MOB4: variants seen among roughly 807,000 people sequenced by gnomAD.
The protein encoded by MOB4 is MOB family member 4, phocein.
A neutral mutation model predicts 32.2 loss-of-function variants in MOB4; 4 were observed. The ratio of observed to expected loss-of-function variants is 0.12; its 90% CI spans 0.06 to 0.28. The LOEUF is 0.28. Among genes scored for constraint, MOB4 ranks in the 10% least tolerant of loss-of-function variants. MOB4 has a pLI of 1.00. For missense variants in MOB4, 158 were observed against 271.2 expected, an observed-to-expected ratio of 0.58 and a Z score of 2.93; for synonymous variants, 88 against 88.1, an observed-to-expected ratio of 1.00 and a Z score of 0.01.
intron 2 of MOB4, among the ~76,000 whole-genome samples, chr2:197,529,775 T>C (rs552879898): frequency 3.1e-4 from 47 of 152,106 alleles, no homozygotes; most frequent in African/African-American, 1.1e-3. Context: ...TGCCTCAGCC[T>C]CCCGAGTAGC....
At chr2:197,522,519 C>T (rs375817521) in intron 1 of MOB4, among the ~76,000 whole-genome samples, 208 of 151,016 alleles carry the variant, frequency 1.4e-3, no homozygotes, top group African/African-American at 4.8e-3. Flanking sequence ...TTAGTAGAGA[C>T]GGGGTTTCAT....
rs907674537 is a variant in MOB4, at chr2:197,530,319, G to A, written c.124-5211G>A. 3.9e-5 allele frequency among the ~76,000 whole-genome samples: 6 copies of A among 152,110 alleles called. No individual in the cohort carries two copies. The East Asian group carries it at 1.2e-3, about 29-fold the overall frequency. ...GGTCTCACTCTGTTGCCAGGCTGGAGTGCAGTGGTACAATCATAGCTTACT... is the reference window on the plus strand; with the variant it reads ...GGTCTCACTCTGTTGCCAGGCTGGAATGCAGTGGTACAATCATAGCTTACT... On this transcript the variant is annotated intron_variant, in intron 2 of 7. Coordinates refer to ENST00000323303, the MANE Select transcript of MOB4 (RefSeq NM_015387.5).
intron 1 of MOB4, among the ~76,000 whole-genome samples, chr2:197,521,925 C>T (rs573206753): frequency 6.6e-6 from 1 of 152,124 alleles, no homozygotes; most frequent in Non-Finnish European, 1.5e-5. Flanking sequence ...CATACCTCCT[C>T]CTCAGCTGAC....
At position 197,516,076 on chromosome 2, in the gene MOB4, A is replaced by G. The variant is rs1160390571; in HGVS notation, c.-11A>G. 2.7e-5 allele frequency: 43 copies of G among 1,587,390 alleles called. No homozygotes were observed. Among genetic ancestry groups the G allele is most frequent in the Non-Finnish European group, 3.6e-5 (42 of 1,168,146 alleles). On this transcript the variant is annotated 5_prime_UTR_variant, in exon 1 of 8. Coordinates refer to ENST00000323303, the MANE Select transcript of MOB4 (RefSeq NM_015387.5). ...CCGGGTACCGACTCCAGCCGCCTAG[A>G]CGCTGGCACTATGGTCATGGCGGAG...
Position 197,550,742 on chromosome 2 carries a change from T to G in MOB4, c.*96T>G, listed in dbSNP as rs1251339151. ...TCAATCATGTATCCATATTATAGCTTCTTTGTTTAGTATAGGTTTTTGTAT... is the reference window on the plus strand; with the variant it reads ...TCAATCATGTATCCATATTATAGCTGCTTTGTTTAGTATAGGTTTTTGTAT... On this transcript the variant is annotated 3_prime_UTR_variant, in exon 8 of 8. Coordinates refer to ENST00000323303, the MANE Select transcript of MOB4 (RefSeq NM_015387.5). 5.7e-6 allele frequency: 8 copies of G among 1,404,198 alleles called. No individual in the cohort carries two copies. Among genetic ancestry groups the G allele is most frequent in the Non-Finnish European group, 7.5e-6 (8 of 1,073,418 alleles). 87.0% of individuals were successfully genotyped at this position (1,404,198 alleles called of 1,614,324 possible).
rs2106128194 is a variant in MOB4, at chr2:197,540,057, A to G, written c.225-54A>G. ...TTCTCTTTTTGCAGCTAATATTCTA[A>G]AAATTGCTGTGAAGAATAGATATGA... On this transcript the variant is annotated intron_variant, in intron 3 of 7. Transcript: ENST00000323303. 30 of 1,540,858 alleles carry G rather than the reference A, an allele frequency of 1.9e-5. No homozygotes were observed. The South Asian group carries it at 3.2e-4, about 17-fold the overall frequency.
Position 197,548,421 on chromosome 2 carries a change from C to A in MOB4, c.434+6C>A, listed in dbSNP as rs199633615. The stretch of plus-strand genomic sequence containing the variant: ...AATAAATATTTTCCCAGCAGGTAAT[C>A]GAAACTTTTAAACATAGTGTTAAAC... On this transcript the variant is annotated splice_donor_region_variant and intron_variant, in intron 6 of 7. Coordinates refer to ENST00000323303, the MANE Select transcript of MOB4 (RefSeq NM_015387.5). 3 of 1,521,352 alleles carry A rather than the reference C, an allele frequency of 2.0e-6. No individual in the cohort carries two copies. Among genetic ancestry groups the A allele is most frequent in the East Asian group, 2.6e-5 (1 of 37,914 alleles). The allele number at this position is 1,521,352 out of a possible 1,614,324, so 94.2% of individuals were successfully genotyped here.
chr2:197,533,204 A>G (rs1195530574), intron 2 of MOB4, among the ~76,000 whole-genome samples: 1 of 152,226 alleles, frequency 6.6e-6, no homozygotes, highest in African/African-American at 2.4e-5. Flanking sequence ...GTGGCAGGAA[A>G]TTGGATGGAG....
intron 5 of MOB4, among the ~76,000 whole-genome samples, chr2:197,545,386 C>T (rs905886027): frequency 6.6e-6 from 1 of 151,922 alleles, no homozygotes; most frequent in Non-Finnish European, 1.5e-5. Context: ...AGTTGTTATA[C>T]TGTATTTCTT....
intron 5 of MOB4, among the ~76,000 whole-genome samples, chr2:197,548,048 A>T (rs1179378342): frequency 6.6e-6 from 1 of 152,200 alleles, no homozygotes; most frequent in Non-Finnish European, 1.5e-5. Flanking sequence ...TACCAGAGAT[A>T]AATCAGGATT....
intron 1 of MOB4, among the ~76,000 whole-genome samples, chr2:197,520,504 A>G (rs940699065): frequency 1.3e-5 from 2 of 152,074 alleles, no homozygotes; most frequent in Non-Finnish European, 2.9e-5. Flanking sequence ...TGAAGACTTA[A>G]TCTTTGTTGA....
Position 197,535,450 on chromosome 2 carries a change from A to G in MOB4, c.124-80A>G, listed in dbSNP as rs2086781582. The G allele has an allele frequency of 3.0e-6, 4 of 1,336,298 alleles. No individual in the cohort carries two copies. In the South Asian group the frequency reaches 6.2e-5, roughly 21 times the overall value. The allele number at this position is 1,336,298 out of a possible 1,614,324, so 82.8% of individuals were successfully genotyped here. ...AGTTGAACCACAAGAGCAGTTATGTATTAACAAATTATATGTACTTAACAT... is the reference window on the plus strand; with the variant it reads ...AGTTGAACCACAAGAGCAGTTATGTGTTAACAAATTATATGTACTTAACAT... On this transcript the variant is annotated intron_variant, in intron 2 of 7. Transcript: ENST00000323303.
chr2:197,531,744 C>T (rs370252513), intron 2 of MOB4, among the ~76,000 whole-genome samples: 1 of 151,868 alleles, frequency 6.6e-6, no homozygotes, highest in African/African-American at 2.4e-5. Flanking sequence ...GGGGTTTTAC[C>T]CTATTGGCCA....
At chr2:197,528,973 T>C (rs1228857576) in intron 2 of MOB4, among the ~76,000 whole-genome samples, 1 of 151,832 alleles carries the variant, frequency 6.6e-6, no homozygotes, top group East Asian at 1.9e-4. Context: ...TAATTTTTTT[T>C]TTTTTTTAGA....
intron 2 of MOB4, 119 bp from the exon 3 acceptor site, chr2:197,535,411 T>A (rs554863967): frequency 1.2e-6 from 1 of 836,376 alleles, no homozygotes; most frequent in African/African-American, 1.8e-5. Flanking sequence ...GTTTCCTATT[T>A]AGTGTATAAC....
At chr2:197,540,089 A>G (rs942014176) in intron 3 of MOB4, 22 bp from the exon 4 acceptor site, 1 of 1,588,340 alleles carries the variant, frequency 6.3e-7, no homozygotes, top group East Asian at 2.3e-5. Flanking sequence ...ATGACTTTTT[A>G]TTTATGTATT....
chr2:197,539,613 CT>C (rs2086863737), intron 3 of MOB4, among the ~76,000 whole-genome samples: 1 of 152,160 alleles, frequency 6.6e-6, no homozygotes, highest in Non-Finnish European at 1.5e-5. Flanking sequence ...CCACTGCGCC[CT>C]GCTGTAATTT....
intron 3 of MOB4, among the ~76,000 whole-genome samples, chr2:197,536,902 T>TC (rs2106124125): frequency 6.6e-6 from 1 of 152,142 alleles, no homozygotes; most frequent in East Asian, 1.9e-4. Flanking sequence ...GACTTGTCTT[T>TC]TTTTTTTCCT....
intron 1 of MOB4, among the ~76,000 whole-genome samples, chr2:197,521,630 G>T (rs2086520879): frequency 6.6e-6 from 1 of 152,188 alleles, no homozygotes; most frequent in African/African-American, 2.4e-5. Context: ...ACCCAAGGGG[G>T]CCGTCTATAG....
Sources: gnomAD v4.1 joint callset for allele counts (sites outside exome capture counted in the v4.1 genomes callset) on GRCh38, gnomAD v4.1.1 for gene constraint, MANE v1.5 for transcripts, NCBI Gene and HGNC (gene_info 2026-07-23, HGNC 2026-07-21) for gene names.